The following KCNMA1 variants were observed in gnomAD, a reference collection of about 807,000 sequenced individuals.
KCNMA1 encodes the protein Calcium-activated potassium channel subunit alpha-1.
Under a neutral mutation model 140.0 loss-of-function variants are expected in KCNMA1, and 29 were observed. That is an observed-to-expected ratio of 0.21 (90% CI 0.15 to 0.28). The LOEUF (loss-of-function observed/expected upper bound fraction) is 0.28. KCNMA1 is among the 10% of genes least tolerant of loss of function. The pLI, the probability that KCNMA1 is intolerant of heterozygous loss-of-function variation, is 1.00. For synonymous variants in KCNMA1, 612 were observed against 611.9 expected, an observed-to-expected ratio of 1.00 and a Z score of 0.00; for missense variants, 880 against 1,602.2, an observed-to-expected ratio of 0.55 and a Z score of 7.70.
Position 76,973,227 on chromosome 10 carries a change from T to C in KCNMA1, c.2267-3160A>G, listed in dbSNP as rs561391528. 16 of 152,350 alleles carry C rather than the reference T, an allele frequency of 1.1e-4. No individual in the cohort carries two copies. The South Asian group carries it at 1.5e-3, about 14-fold the overall frequency. The allele number at this position is 152,350 out of a possible 1,614,324, so 9.4% of individuals were successfully genotyped here. ...TGATCCTTTAAAGAAACCTGACTTC[T>C]TTAGAACACAAACAAGTTCAGGAAT... On this transcript the variant is annotated intron_variant, in intron 19 of 27. Coordinates refer to ENST00000286628, the MANE Select transcript of KCNMA1 (RefSeq NM_001161352.2).
At chr10:77,254,425 G>A (rs1482239752) in intron 2 of KCNMA1, among the ~76,000 whole-genome samples, 4 of 152,004 alleles carry the variant, frequency 2.6e-5, no homozygotes, top group Non-Finnish European at 4.4e-5. Flanking sequence ...GTTTCACCAT[G>A]TTGGCCAGGC....
intron 2 of KCNMA1, among the ~76,000 whole-genome samples, chr10:77,352,425 T>TG (rs1353252676): frequency 6.6e-6 from 1 of 152,218 alleles, no homozygotes; most frequent in African/African-American, 2.4e-5. Context: ...ACTTTGTGAT[T>TG]GATGGAAATG....
At chr10:77,200,014 G>T (rs777310173) in intron 3 of KCNMA1, among the ~76,000 whole-genome samples, 2 of 152,060 alleles carry the variant, frequency 1.3e-5, no homozygotes, top group Non-Finnish European at 2.9e-5. Context: ...GCAGTGGTGC[G>T]ATCTTGGCTC....
chr10:77,038,723 T>C (rs527638815), intron 15 of KCNMA1, among the ~76,000 whole-genome samples: 9 of 152,272 alleles, frequency 5.9e-5, no homozygotes, highest in African/African-American at 2.2e-4. Context: ...TTATTTTTTG[T>C]AGAGATAAAG....
intron 1 of KCNMA1, among the ~76,000 whole-genome samples, chr10:77,503,783 T>C (rs2044761981): frequency 6.6e-6 from 1 of 152,244 alleles, no homozygotes; most frequent in Admixed American, 6.5e-5. Context: ...CAGTGACTGG[T>C]ACATTCTCTG....
chr10:77,383,902 G>A (rs143039715), intron 2 of KCNMA1, among the ~76,000 whole-genome samples: 30 of 152,306 alleles, frequency 2.0e-4, no homozygotes, highest in East Asian at 1.9e-3. Context: ...ACTGACCACC[G>A]GTGTTGGACT....
At chr10:77,230,392 C>G (rs1448099741) in intron 3 of KCNMA1, among the ~76,000 whole-genome samples, 2 of 152,110 alleles carry the variant, frequency 1.3e-5, no homozygotes, top group Non-Finnish European at 2.9e-5. Flanking sequence ...TGTGAAGGTA[C>G]GAATCACCAC....
At chr10:77,214,614 C>T (rs548673368) in intron 3 of KCNMA1, among the ~76,000 whole-genome samples, 47 of 152,324 alleles carry the variant, frequency 3.1e-4, no homozygotes, top group African/African-American at 1.0e-3. Context: ...CTTTAGCCCA[C>T]TTTGATCAGG....
At chr10:77,594,977 A>C (rs2080369298) in intron 1 of KCNMA1, among the ~76,000 whole-genome samples, 1 of 152,176 alleles carries the variant, frequency 6.6e-6, no homozygotes, top group Non-Finnish European at 1.5e-5. Flanking sequence ...GGCCACCTGG[A>C]CTAGCAAAAT....
At chr10:77,086,863 T>C (rs770828818) in intron 10 of KCNMA1, among the ~76,000 whole-genome samples, 10 of 152,254 alleles carry the variant, frequency 6.6e-5, no homozygotes, top group African/African-American at 9.6e-5. Context: ...CTCTTCGGTA[T>C]GAATGGAATT....
chr10:76,883,759 GGAAGA>G (rs990543129), downstream of KCNMA1, among the ~76,000 whole-genome samples: 7 of 141,556 alleles, frequency 4.9e-5, no homozygotes, highest in Non-Finnish European at 9.0e-5. Context: ...GCAGTGAACA[GGAAGA>G]GATATAATAA....
chr10:76,894,602 A>C (rs1042432033), intron 25 of KCNMA1, among the ~76,000 whole-genome samples: 1 of 152,246 alleles, frequency 6.6e-6, no homozygotes, highest in Non-Finnish European at 1.5e-5. Context: ...TCTAATATTC[A>C]GTATTAAAAA....
chr10:76,952,006 T>A (rs1305237321), intron 21 of KCNMA1: 1 of 1,548,116 alleles, frequency 6.5e-7, no homozygotes, highest in South Asian at 1.2e-5. Flanking sequence ...TAAATGATGT[T>A]ATTTTTCATA....
At chr10:77,031,976 G>A (rs527876406) in intron 15 of KCNMA1, among the ~76,000 whole-genome samples, 16 of 152,208 alleles carry the variant, frequency 1.1e-4, no homozygotes, top group Non-Finnish European at 2.1e-4. Flanking sequence ...GCTTGGAAGT[G>A]AGTATAGAAT....
At chr10:77,348,507 G>A (rs1163611132) in intron 2 of KCNMA1, among the ~76,000 whole-genome samples, 1 of 152,152 alleles carries the variant, frequency 6.6e-6, no homozygotes, top group Non-Finnish European at 1.5e-5. Flanking sequence ...GGGAAAGGAG[G>A]TCAGCCTGGA....
chr10:77,254,709 A>G (rs545002490), intron 2 of KCNMA1, among the ~76,000 whole-genome samples: 27 of 152,262 alleles, frequency 1.8e-4, no homozygotes, highest in Non-Finnish European at 3.4e-4. Context: ...CTTTCCCAAA[A>G]TGTCCTTCCT....
intron 5 of KCNMA1, among the ~76,000 whole-genome samples, chr10:77,168,405 A>G (rs11002054): frequency 0.16 from 23,889 of 152,148 alleles, 2,126 homozygotes; most frequent in African/African-American, 0.23. Context: ...ATCATAAAGT[A>G]CACTTAGACA....
intron 3 of KCNMA1, among the ~76,000 whole-genome samples, chr10:77,189,539 G>A (rs1339615347): frequency 2.0e-5 from 3 of 152,148 alleles, no homozygotes; most frequent in Admixed American, 2.0e-4. Context: ...TACAGATGGG[G>A]AGGGGTTACG....
Position 77,079,559 on chromosome 10 carries a change from G to C in KCNMA1, c.1524-9C>G, listed in dbSNP as rs748615711. The stretch of plus-strand genomic sequence containing the variant: ...TCTTTATGGAGATTACTCTGAAAAA[G>C]AAAGAACCAATGCTGAGACAGGTCT... On this transcript the variant is annotated splice_polypyrimidine_tract_variant and intron_variant, in intron 12 of 27. Coordinates refer to ENST00000286628, the MANE Select transcript of KCNMA1 (RefSeq NM_001161352.2). 6.3e-7 allele frequency: 1 copy of C among 1,586,182 alleles called. No individual in the cohort carries two copies.
Sources: gnomAD v4.1 joint callset for allele counts (sites outside exome capture counted in the v4.1 genomes callset) on GRCh38, gnomAD v4.1.1 for gene constraint, MANE v1.5 for transcripts, NCBI Gene and HGNC (gene_info 2026-07-23, HGNC 2026-07-21) for gene names.